Variants in WWOX observed in about 807,000 individuals in gnomAD.
WWOX encodes the protein WW domain containing oxidoreductase, also known as WW domain-containing oxidoreductase.
Under a neutral mutation model 46.2 loss-of-function variants are expected in WWOX, and 69 were observed. The ratio of observed to expected loss-of-function variants is 1.49; its 90% CI spans 1.23 to 1.82. The LOEUF (loss-of-function observed/expected upper bound fraction) is 1.82. Among genes scored for constraint, WWOX ranks in the 40% most tolerant of loss-of-function variants. The pLI, the probability that WWOX is intolerant of heterozygous loss-of-function variation, is 0.00. For missense variants in WWOX, 919 were observed against 542.6 expected, an observed-to-expected ratio of 1.69 and a Z score of -6.89; for synonymous variants, 359 against 202.6, an observed-to-expected ratio of 1.77 and a Z score of -6.56.
chr16:78,920,236 C>G (rs758401584), intron 8 of WWOX, among the ~76,000 whole-genome samples: 4 of 152,216 alleles, frequency 2.6e-5, no homozygotes, highest in African/African-American at 4.8e-5. Flanking sequence ...CTTAAAGTTT[C>G]TTCCAGGACG....
chr16:78,954,893 G>C (rs2046133565), intron 8 of WWOX, among the ~76,000 whole-genome samples: 1 of 152,134 alleles, frequency 6.6e-6, no homozygotes, highest in East Asian at 1.9e-4. Flanking sequence ...GGACTCAAGA[G>C]ATCCTCCTGC....
intron 8 of WWOX, among the ~76,000 whole-genome samples, chr16:78,501,718 T>G (rs921207889): frequency 4.6e-5 from 7 of 152,138 alleles, no homozygotes; most frequent in East Asian, 3.9e-4. Flanking sequence ...TGTACTTTTA[T>G]TAGAGACAGA....
At chr16:78,487,554 C>T (rs1482806770) in intron 8 of WWOX, among the ~76,000 whole-genome samples, 1 of 152,148 alleles carries the variant, frequency 6.6e-6, no homozygotes, top group East Asian at 1.9e-4. Flanking sequence ...GATGCTTCCT[C>T]TGGTTCAGGG....
intron 7 of WWOX, among the ~76,000 whole-genome samples, chr16:78,428,329 G>A (rs1405958770): frequency 2.6e-5 from 4 of 152,180 alleles, no homozygotes; most frequent in Non-Finnish European, 5.9e-5. Flanking sequence ...CGTTTTTCAG[G>A]AAGCCGTTTC....
At chr16:78,511,680 C>T (rs1016991053) in intron 8 of WWOX, among the ~76,000 whole-genome samples, 1 of 152,140 alleles carries the variant, frequency 6.6e-6, no homozygotes, top group Non-Finnish European at 1.5e-5. Flanking sequence ...TGTAGTACCC[C>T]CCGCCTAGGG....
intron 8 of WWOX, among the ~76,000 whole-genome samples, chr16:78,574,108 G>A (rs920549798): frequency 6.6e-5 from 10 of 152,196 alleles, no homozygotes; most frequent in African/African-American, 2.4e-4. Context: ...TTGGCTGGAG[G>A]TACCCCTCAG....
intron 8 of WWOX, among the ~76,000 whole-genome samples, chr16:78,489,371 G>C (rs1365956429): frequency 6.6e-6 from 1 of 152,010 alleles, no homozygotes; most frequent in African/African-American, 2.4e-5. Flanking sequence ...TCTTTACTTG[G>C]CCAAATATCC....
chr16:78,650,623 T>C (rs2046945815), intron 8 of WWOX, among the ~76,000 whole-genome samples: 1 of 152,350 alleles, frequency 6.6e-6, no homozygotes, highest in African/African-American at 2.4e-5. Context: ...TATGTTGTCA[T>C]AGTGATGTAT....
rs185325019 is a variant in WWOX, at chr16:78,627,220, C to A, written c.1056+194468C>A. On this transcript the variant is annotated intron_variant, in intron 8 of 8. Transcript: ENST00000566780. The stretch of plus-strand genomic sequence containing the variant: ...AGGCCCCTTTCAGGCCACTCTTCCC[C>A]CTGTGCCCCAGGTGTGTTTGCTACC... 1.8e-4 allele frequency among the ~76,000 whole-genome samples: 28 copies of A among 152,220 alleles called. No homozygotes were observed. In the East Asian group the frequency reaches 4.8e-3, roughly 26 times the overall value.
chr16:78,697,261 A>G (rs1261830118), intron 8 of WWOX, among the ~76,000 whole-genome samples: 2 of 152,196 alleles, frequency 1.3e-5, no homozygotes, highest in Non-Finnish European at 2.9e-5. Context: ...TAGTGGTTGT[A>G]CTAGTTTACA....
intron 8 of WWOX, among the ~76,000 whole-genome samples, chr16:78,719,593 C>T (rs142526906): frequency 3.4e-3 from 522 of 152,254 alleles, no homozygotes; most frequent in African/African-American, 0.012. Context: ...AAAAGAGACC[C>T]CTCAATGCTT....
At chr16:78,610,243 T>A (rs889096404) in intron 8 of WWOX, among the ~76,000 whole-genome samples, 1 of 152,186 alleles carries the variant, frequency 6.6e-6, no homozygotes, top group Non-Finnish European at 1.5e-5. Flanking sequence ...ACCCTCCTTT[T>A]CATAATTCTT....
intron 8 of WWOX, among the ~76,000 whole-genome samples, chr16:78,706,139 CTTAA>C (rs1223408096): frequency 3.8e-5 from 5 of 132,490 alleles, no homozygotes; most frequent in Non-Finnish European, 4.6e-5. Flanking sequence ...AAAAATCATT[CTTAA>C]TTAAGGCATT....
intron 8 of WWOX, among the ~76,000 whole-genome samples, chr16:78,620,667 C>G (rs2046157144): frequency 6.6e-6 from 1 of 150,388 alleles, no homozygotes; most frequent in African/African-American, 2.4e-5. Context: ...TTGTACTGCA[C>G]AAGAATTGAT....
intron 8 of WWOX, among the ~76,000 whole-genome samples, chr16:78,961,658 C>A (rs112829310): frequency 0.012 from 1,866 of 152,156 alleles, 23 homozygotes; most frequent in Non-Finnish European, 0.019. Flanking sequence ...TCCAGCTTCA[C>A]GTGCAAGAGA....
intron 8 of WWOX, among the ~76,000 whole-genome samples, chr16:78,808,777 G>T (rs556882360): frequency 8.5e-5 from 13 of 152,214 alleles, no homozygotes; most frequent in Admixed American, 1.3e-4. Flanking sequence ...AATTTGCCCA[G>T]TGTCGTGGTG....
chr16:78,386,559 G>C (rs532510734), intron 5 of WWOX, among the ~76,000 whole-genome samples: 24 of 152,184 alleles, frequency 1.6e-4, no homozygotes, highest in African/African-American at 4.8e-4. Flanking sequence ...AGATTGAGAG[G>C]AGATAACGTT....
intron 4 of WWOX, among the ~76,000 whole-genome samples, chr16:78,129,105 G>C (rs758362840): frequency 3.9e-5 from 6 of 152,222 alleles, no homozygotes; most frequent in Non-Finnish European, 7.4e-5. Flanking sequence ...AAGCTGACTT[G>C]GGAGCTGTCA....
rs902064846 is a variant in WWOX, at chr16:78,892,758, T to G, written c.1057-318850T>G. On this transcript the variant is annotated intron_variant, in intron 8 of 8. Coordinates refer to ENST00000566780, the MANE Select transcript of WWOX (RefSeq NM_016373.4). ...TCCTGTTGATGGCATCCCACAACTT[T>G]CTAACCTCTGTTGTAGAGTTTTGTT... Among the ~76,000 whole-genome samples the G allele has an allele frequency of 2.0e-5, 3 of 152,340 alleles. No individual in the cohort carries two copies. In the East Asian group the frequency reaches 5.8e-4, roughly 29 times the overall value.
Sources: gnomAD v4.1 joint callset for allele counts (sites outside exome capture counted in the v4.1 genomes callset) on GRCh38, gnomAD v4.1.1 for gene constraint, MANE v1.5 for transcripts, NCBI Gene and HGNC (gene_info 2026-07-23, HGNC 2026-07-21) for gene names.